The following HLCS variants were observed in gnomAD, a reference collection of about 807,000 sequenced individuals.
HLCS encodes biotin--protein ligase.
A neutral mutation model predicts 75.0 loss-of-function variants in HLCS; 53 were observed. The observed-to-expected ratio is 0.71, with a 90% CI of 0.57 to 0.89. The LOEUF (loss-of-function observed/expected upper bound fraction) is 0.89, where lower values mean the gene tolerates loss of function less well. HLCS is among the 40% of genes least tolerant of loss of function. The pLI is 0.00. For synonymous variants in HLCS, 431 were observed against 428.6 expected (o/e 1.01, Z -0.07); for missense variants, 966 against 1,074.0 (o/e 0.90, Z 1.41).
chr21:36,843,098 TTTAA>T (rs1206049879), intron 6 of HLCS, among the ~76,000 whole-genome samples: 15 of 152,238 alleles, frequency 9.9e-5, no homozygotes, highest in East Asian at 1.9e-4. Context: ...CCCAACTTCT[TTTAA>T]TTAAACACAT....
chr21:36,827,374 G>C (rs1016458073), intron 6 of HLCS, among the ~76,000 whole-genome samples: 1 of 151,942 alleles, frequency 6.6e-6, no homozygotes, highest in Non-Finnish European at 1.5e-5. Flanking sequence ...TTCAAGACCA[G>C]CCTGGCCAAC....
In HLCS at chr21:36,961,225, T is replaced by C. The variant is rs531315237; in HGVS notation, c.330+811A>G. On this transcript the variant is annotated intron_variant, in intron 2 of 10. Coordinates refer to ENST00000674895, the MANE Select transcript of HLCS (RefSeq NM_001352514.2). ...CAAGGAAAGACGTTTAGGACGTAGG[T>C]GGTGATATACCCCAGCCACTCAGGT... Among the ~76,000 whole-genome samples, 12 of 152,236 alleles carry C rather than the reference T, an allele frequency of 7.9e-5. No individual in the cohort carries two copies. The East Asian group carries it at 2.3e-3, about 29-fold the overall frequency.
At chr21:36,981,395 CTTTTT>C (rs11328067) in intron 1 of HLCS, among the ~76,000 whole-genome samples, 2 of 91,298 alleles carry the variant, frequency 2.2e-5, no homozygotes, top group East Asian at 7.1e-4. Flanking sequence ...CTTAACCTTC[CTTTTT>C]TTTTTTTTTT....
chr21:36,906,404 T>G (rs2065456874), intron 5 of HLCS, among the ~76,000 whole-genome samples: 2 of 151,970 alleles, frequency 1.3e-5, no homozygotes, highest in African/African-American at 4.8e-5. Flanking sequence ...TGTGGTGGCA[T>G]GCACCTGTAG....
At chr21:36,952,642 T>A (rs1434913546) in intron 2 of HLCS, among the ~76,000 whole-genome samples, 1 of 151,824 alleles carries the variant, frequency 6.6e-6, no homozygotes, top group Non-Finnish European at 1.5e-5. Context: ...AAATAAAAAA[T>A]TAGCTGGTTG....
chr21:36,837,771 G>A (rs1301331770), intron 6 of HLCS, among the ~76,000 whole-genome samples: 1 of 152,180 alleles, frequency 6.6e-6, no homozygotes, highest in Non-Finnish European at 1.5e-5. Flanking sequence ...ATCAAGCCAA[G>A]TAATGAAAGC....
intron 6 of HLCS, among the ~76,000 whole-genome samples, chr21:36,893,808 G>A (rs529747201): frequency 1.6e-4 from 24 of 152,358 alleles, no homozygotes; most frequent in African/African-American, 5.5e-4. Context: ...CCACAGCCCG[G>A]GGGTCGGGGA....
upstream of HLCS, among the ~76,000 whole-genome samples, chr21:36,970,820 G>A (rs1004424257): frequency 2.6e-5 from 4 of 151,868 alleles, no homozygotes; most frequent in Admixed American, 6.6e-5. Flanking sequence ...GTGAAACCCC[G>A]TCTCTATTAA....
chr21:36,935,781 G>C (rs1325123868), intron 4 of HLCS, among the ~76,000 whole-genome samples: 1 of 152,212 alleles, frequency 6.6e-6, no homozygotes, highest in Non-Finnish European at 1.5e-5. Context: ...AAGAAGATGA[G>C]CCAAAGGATC....
At chr21:36,812,965 G>T (rs1202970828) in intron 6 of HLCS, among the ~76,000 whole-genome samples, 1 of 152,152 alleles carries the variant, frequency 6.6e-6, no homozygotes, top group Non-Finnish European at 1.5e-5. Flanking sequence ...AAGCTGAGGT[G>T]GAAGGATTGC....
At chr21:36,904,376 C>A (rs1234075926) in intron 5 of HLCS, among the ~76,000 whole-genome samples, 1 of 152,116 alleles carries the variant, frequency 6.6e-6, no homozygotes, top group African/African-American at 2.4e-5. Flanking sequence ...TACTTAGACA[C>A]GTACAAATCT....
chr21:36,888,964 C>T (rs1180219163), intron 6 of HLCS, among the ~76,000 whole-genome samples: 1 of 152,130 alleles, frequency 6.6e-6, no homozygotes, highest in Non-Finnish European at 1.5e-5. Flanking sequence ...TGCCCAAAGC[C>T]CCAATGATCA....
intron 6 of HLCS, among the ~76,000 whole-genome samples, chr21:36,883,101 T>C (rs529008000): frequency 5.3e-5 from 8 of 152,266 alleles, no homozygotes; most frequent in South Asian, 4.1e-4. Flanking sequence ...ATACCCCTCA[T>C]GCAGAAACAG....
intron 1 of HLCS, chr21:36,974,720 A>T (rs1039712536): frequency 6.6e-6 from 1 of 150,424 alleles, no homozygotes; most frequent in Non-Finnish European, 1.5e-5. Flanking sequence ...AGACATGCAC[A>T]GGGGGACAAT....
intron 1 of HLCS, among the ~76,000 whole-genome samples, chr21:36,976,718 G>A (rs2068948310): frequency 6.6e-6 from 1 of 152,152 alleles, no homozygotes; most frequent in Non-Finnish European, 1.5e-5. Context: ...TCTTTTGTAA[G>A]CCTAAAATTA....
rs143986437 is a variant in HLCS, at chr21:36,898,275, G to A, written c.1621-1144C>T. The stretch of plus-strand genomic sequence containing the variant: ...AGCCTGACCAACATGGTGAAACTCC[G>A]TCTCTACTAAAAATACAAAAACTTG... On this transcript the variant is annotated intron_variant, in intron 5 of 10. Coordinates refer to ENST00000674895, the MANE Select transcript of HLCS (RefSeq NM_001352514.2). Among the ~76,000 whole-genome samples the A allele has an allele frequency of 2.8e-3, 420 of 151,886 alleles. 2 individuals are homozygous for A. The highest frequency in any genetic ancestry group is 9.1e-3 in the African/African-American group (376 of 41,418).
intron 6 of HLCS, among the ~76,000 whole-genome samples, chr21:36,828,366 GGAATGAATGAATGAAT>G (rs55892136): frequency 0.037 from 5,568 of 151,044 alleles, 155 homozygotes; most frequent in African/African-American, 0.076. Flanking sequence ...AGAAGTGTGT[GGAATGAATGAATGAAT>G]GAATGAATGA....
intron 5 of HLCS, among the ~76,000 whole-genome samples, chr21:36,899,344 C>T (rs1327437638): frequency 1.3e-5 from 2 of 152,042 alleles, no homozygotes; most frequent in Non-Finnish European, 2.9e-5. Context: ...TAAATTCAGG[C>T]CGGGCACAGT....
intron 6 of HLCS, among the ~76,000 whole-genome samples, chr21:36,886,597 T>C (rs1013859192): frequency 2.0e-5 from 3 of 152,174 alleles, no homozygotes; most frequent in African/African-American, 7.2e-5. Flanking sequence ...TTTGGGATGC[T>C]TCAAGTTGTC....
Sources: gnomAD v4.1 joint callset for allele counts (sites outside exome capture counted in the v4.1 genomes callset) on GRCh38, gnomAD v4.1.1 for gene constraint, MANE v1.5 for transcripts, NCBI Gene and HGNC (gene_info 2026-07-23, HGNC 2026-07-21) for gene names.